The following KIF13A variants were observed in gnomAD, a reference collection of about 807,000 sequenced individuals.
The protein encoded by KIF13A is kinesin-like protein KIF13A.
A neutral mutation model predicts 212.2 loss-of-function variants in KIF13A; 79 were observed. The observed-to-expected ratio is 0.37, with a 90% CI of 0.31 to 0.45. The LOEUF is 0.45. KIF13A is among the 20% of genes least tolerant of loss of function. KIF13A has a pLI of 1.00. For missense variants in KIF13A, 1,901 were observed against 2,209.0 expected (o/e 0.86, Z 2.79); for synonymous variants, 789 against 808.6 (o/e 0.98, Z 0.41).
intron 17 of KIF13A, chr6:17,812,170 T>C (rs1044516111): frequency 6.6e-6 from 1 of 152,220 alleles, no homozygotes; most frequent in African/African-American, 2.4e-5. Context: ...GATACTTTTG[T>C]TTTTTAAAAT....
In KIF13A at chr6:17,987,098, T is replaced by C. The variant is rs1337103215; in HGVS notation, c.102A>G (p.Gln34=). 3 of 1,613,614 alleles carry C rather than the reference T, an allele frequency of 1.9e-6. No homozygotes were observed. In the African/African-American group the frequency reaches 4.0e-5, roughly 22 times the overall value. The change falls in exon 2 of 39, where the codon CAA becomes CAG. Residue 34 remains glutamine, a synonymous_variant. Coordinates refer to ENST00000259711, the MANE Select transcript of KIF13A (RefSeq NM_022113.6). This position sits in a 1 kb window ranked among gnomAD's most constrained non-coding sequence, Gnocchi z 7.7. Reference sequence around the variant, plus strand: ...TAGAAGGAGGAGGGTGCAGGACCGTTTGATTCCCTTCCATCTCCACCACGC... The same window carrying C: ...TAGAAGGAGGAGGGTGCAGGACCGTCTGATTCCCTTCCATCTCCACCACGC... ...TKCVVEMEGN[Q]TVLHPPPSNT... is the part of the protein sequence containing the mutation.
In KIF13A at chr6:17,826,923, C is replaced by T. The variant is rs1765011635; in HGVS notation, c.1533-799G>A. ...CTTTAAAATAATTTTTTTTTCTGGG[C>T]ATGGTGGTGGGCGCCTGTAATCCCA... On this transcript the variant is annotated intron_variant, in intron 14 of 38. Coordinates refer to ENST00000259711, the MANE Select transcript of KIF13A (RefSeq NM_022113.6). This position sits in a 1 kb window ranked among gnomAD's most constrained non-coding sequence, Gnocchi z 4.7. Among the ~76,000 whole-genome samples, 2 of 151,008 alleles carry T rather than the reference C, an allele frequency of 1.3e-5. No homozygotes were observed. Among genetic ancestry groups the T allele is most frequent in the Non-Finnish European group, 1.5e-5 (1 of 67,746 alleles).
chr6:17,910,963 C>A (rs1433344991), intron 2 of KIF13A, among the ~76,000 whole-genome samples: 1 of 152,134 alleles, frequency 6.6e-6, no homozygotes, highest in Non-Finnish European at 1.5e-5. Context: ...CGGGGTTTCT[C>A]CGTGTTAGCC....
chr6:17,907,904 G>A (rs1773667211), intron 2 of KIF13A, among the ~76,000 whole-genome samples: 1 of 152,160 alleles, frequency 6.6e-6, no homozygotes, highest in African/African-American at 2.4e-5. Context: ...GGAATGACAT[G>A]GCCAGATCTG....
intron 9 of KIF13A, among the ~76,000 whole-genome samples, chr6:17,845,184 C>T (rs1334312817): frequency 2.0e-5 from 3 of 152,078 alleles, no homozygotes; most frequent in Admixed American, 6.6e-5. Context: ...GACTTATTCA[C>T]GACCATGAGA....
At chr6:17,952,640 G>GA in intron 2 of KIF13A, among the ~76,000 whole-genome samples, 1 of 149,146 alleles carries the variant, frequency 6.7e-6, no homozygotes, top group East Asian at 2.0e-4. Flanking sequence ...GACTCTGTAA[G>GA]AAAAGAAAAG....
At chr6:17,870,081 G>A (rs1298429274) in intron 4 of KIF13A, among the ~76,000 whole-genome samples, 1 of 152,174 alleles carries the variant, frequency 6.6e-6, no homozygotes, top group African/African-American at 2.4e-5. Flanking sequence ...GTATTTACTA[G>A]GCAGATTATT....
chr6:17,978,203 C>A (rs981602829), intron 2 of KIF13A, among the ~76,000 whole-genome samples: 2 of 152,168 alleles, frequency 1.3e-5, no homozygotes, highest in African/African-American at 4.8e-5. Flanking sequence ...CAATCGAATA[C>A]AAGAATTATA....
At chr6:17,864,800 C>T (rs1769196893) in intron 4 of KIF13A, among the ~76,000 whole-genome samples, 1 of 152,214 alleles carries the variant, frequency 6.6e-6, no homozygotes, top group Non-Finnish European at 1.5e-5. Flanking sequence ...TGACAGAGAT[C>T]TTTGAAAAGC....
intron 2 of KIF13A, among the ~76,000 whole-genome samples, chr6:17,974,526 G>A (rs1279118545): frequency 1.3e-5 from 2 of 152,174 alleles, no homozygotes; most frequent in Non-Finnish European, 1.5e-5. Flanking sequence ...GCAAAGACAC[G>A]TCATATGTAC....
In KIF13A at chr6:17,825,209, G is replaced by A. The variant is rs187866741; in HGVS notation, c.1786+559C>T. Among the ~76,000 whole-genome samples the A allele has an allele frequency of 5.9e-5, 9 of 152,242 alleles. No homozygotes were observed. The highest frequency in any genetic ancestry group is 1.9e-4 in the East Asian group (1 of 5,180). ...TAAGAAAGAAAAGGTAAAGGAACACGGACTTTTAGATGTGAAACTTGGTAT... is the reference window on the plus strand; with the variant it reads ...TAAGAAAGAAAAGGTAAAGGAACACAGACTTTTAGATGTGAAACTTGGTAT... On this transcript the variant is annotated intron_variant, in intron 16 of 38. Coordinates refer to ENST00000259711, the MANE Select transcript of KIF13A (RefSeq NM_022113.6). The surrounding 1 kb of genome is among the most constrained non-coding windows in gnomAD (Gnocchi z 4.5).
rs1277246667 is a variant in KIF13A, at chr6:17,897,179, T to G, written c.159+989A>C. On this transcript the variant is annotated intron_variant, in intron 3 of 38. Coordinates refer to ENST00000259711, the MANE Select transcript of KIF13A (RefSeq NM_022113.6). This position sits in a 1 kb window ranked among gnomAD's most constrained non-coding sequence, Gnocchi z 4.8. ...AAGTACAAGGTATACAGCAGCATTTTAATGGGTTTCCATAATCCAAGAGCT... is the reference window on the plus strand; with the variant it reads ...AAGTACAAGGTATACAGCAGCATTTGAATGGGTTTCCATAATCCAAGAGCT... Among the ~76,000 whole-genome samples the G allele has an allele frequency of 6.6e-6, 1 of 152,230 alleles. No homozygotes were observed. The highest frequency in any genetic ancestry group is 2.4e-5 in the African/African-American group (1 of 41,454).
intron 2 of KIF13A, among the ~76,000 whole-genome samples, chr6:17,932,976 G>A (rs949505192): frequency 2.0e-5 from 3 of 151,928 alleles, no homozygotes; most frequent in African/African-American, 2.4e-5. Flanking sequence ...ATTTGCTCAA[G>A]GTCACCCAAA....
intron 2 of KIF13A, among the ~76,000 whole-genome samples, chr6:17,981,986 A>AT (rs1340739403): frequency 1.3e-5 from 2 of 152,172 alleles, no homozygotes; most frequent in African/African-American, 2.4e-5. Flanking sequence ...AAAACTTGCA[A>AT]TATTTACAGA....
Position 17,987,212 on chromosome 6 carries a change from C to A in KIF13A, c.56-68G>T, listed in dbSNP as rs1371888660. ...CGCCTCCAGCCCGCCCGCCCGCCAG[C>A]CGCGCCGAGCGGGGCTCCGTCCCTG... On this transcript the variant is annotated intron_variant, in intron 1 of 38. Transcript: ENST00000259711. This position sits in a 1 kb window ranked among gnomAD's most constrained non-coding sequence, Gnocchi z 7.7. 2.5e-5 allele frequency: 33 copies of A among 1,342,102 alleles called. No homozygotes were observed. The highest frequency in any genetic ancestry group is 3.4e-5 in the Non-Finnish European group (33 of 971,658). 83.1% of individuals were successfully genotyped at this position (1,342,102 alleles called of 1,614,324 possible).
intron 2 of KIF13A, chr6:17,950,792 A>G (rs1777780759): frequency 1.0e-6 from 1 of 978,290 alleles, no homozygotes; most frequent in South Asian, 4.7e-5. Flanking sequence ...TCTAATTACT[A>G]AAGGACTTTT....
chr6:17,952,409 G>GA (rs1388473764), intron 2 of KIF13A, among the ~76,000 whole-genome samples: 1 of 151,962 alleles, frequency 6.6e-6, no homozygotes, highest in African/African-American at 2.4e-5. Context: ...GGGGTTGGGG[G>GA]ATCGCTTGAG....
rs370913514 is a variant in KIF13A at position 17,826,019 on chromosome 6, C to G, written c.1619+19G>C. ...AAAAAATGTATACGAAAATATATTA[C>G]AGAACACAAAGATGTTACCTAAAAA... On this transcript the variant is annotated intron_variant, in intron 15 of 38. Transcript: ENST00000259711. This position sits in a 1 kb window ranked among gnomAD's most constrained non-coding sequence, Gnocchi z 4.7. The G allele has an allele frequency of 1.9e-5, 31 of 1,611,972 alleles. No individual in the cohort carries two copies. Among genetic ancestry groups the G allele is most frequent in the Non-Finnish European group, 2.5e-5 (30 of 1,178,200 alleles).
At position 17,898,435 on chromosome 6, in the gene KIF13A, T is replaced by C. The variant is rs890351802; in HGVS notation, c.147-255A>G. Among the ~76,000 whole-genome samples the C allele has an allele frequency of 6.6e-6, 1 of 152,200 alleles. No homozygotes were observed. Among genetic ancestry groups the C allele is most frequent in the Non-Finnish European group, 1.5e-5 (1 of 68,038 alleles). ...GAATTTCTCTCTTGGTTGCACAGAA[T>C]GAATTCAATCATTCAGATATTTTTA... On this transcript the variant is annotated intron_variant, in intron 2 of 38. Coordinates refer to ENST00000259711, the MANE Select transcript of KIF13A (RefSeq NM_022113.6). This position sits in a 1 kb window ranked among gnomAD's most constrained non-coding sequence, Gnocchi z 5.2.
Sources: gnomAD v4.1 joint callset for allele counts (sites outside exome capture counted in the v4.1 genomes callset) on GRCh38, gnomAD v4.1.1 for gene constraint, Gnocchi (gnomAD v3.1) non-coding constraint, MANE v1.5 for transcripts, NCBI Gene and HGNC (gene_info 2026-07-23, HGNC 2026-07-21) for gene names.